Variants in CSMD3 observed in about 807,000 individuals in gnomAD.
The protein encoded by CSMD3 is CUB and sushi domain-containing protein 3.
Under a neutral mutation model 435.2 loss-of-function variants are expected in CSMD3, and 177 were observed. The ratio of observed to expected loss-of-function variants is 0.41; its 90% CI spans 0.36 to 0.46. The LOEUF (loss-of-function observed/expected upper bound fraction) is 0.46. Among genes scored for constraint, CSMD3 ranks in the 20% least tolerant of loss-of-function variants. The probability of loss-of-function intolerance (pLI) is 0.34; values close to 1 mark genes in which losing one functional copy is unlikely to be tolerated. For missense variants in CSMD3, 4,265 were observed against 4,504.6 expected, an observed-to-expected ratio of 0.95 and a Z score of 1.52; for synonymous variants, 1,656 against 1,520.5, an observed-to-expected ratio of 1.09 and a Z score of -2.07.
chr8:112,453,026 T>C (rs1816458726), intron 32 of CSMD3, among the ~76,000 whole-genome samples: 3 of 152,256 alleles, frequency 2.0e-5, no homozygotes, highest in African/African-American at 7.2e-5. Flanking sequence ...ATAAATTATA[T>C]CTCATCAGAT....
chr8:113,251,625 T>C (rs1028696153), intron 3 of CSMD3, among the ~76,000 whole-genome samples: 1 of 152,068 alleles, frequency 6.6e-6, no homozygotes, highest in Admixed American at 6.6e-5. Flanking sequence ...ATCTAAATAC[T>C]AGTTTAAATA....
intron 13 of CSMD3, among the ~76,000 whole-genome samples, chr8:112,721,432 C>T (rs938577998): frequency 1.3e-5 from 2 of 151,818 alleles, no homozygotes; most frequent in African/African-American, 4.8e-5. Context: ...AAAATTAGCT[C>T]GGCATGGTGG....
At chr8:112,888,279 C>T (rs1246438030) in intron 10 of CSMD3, among the ~76,000 whole-genome samples, 1 of 151,500 alleles carries the variant, frequency 6.6e-6, no homozygotes, top group African/African-American at 2.4e-5. Context: ...CTGAATGTTC[C>T]TCAAGCACGG....
intron 10 of CSMD3, among the ~76,000 whole-genome samples, chr8:112,882,358 T>C (rs1183484220): frequency 1.3e-5 from 2 of 152,038 alleles, no homozygotes; most frequent in African/African-American, 4.8e-5. Flanking sequence ...CTAGAAATCA[T>C]CCCTTGCCCA....
chr8:113,059,673 C>T (rs1033974877), intron 5 of CSMD3, among the ~76,000 whole-genome samples: 3 of 152,110 alleles, frequency 2.0e-5, no homozygotes, highest in African/African-American at 7.2e-5. Flanking sequence ...ATGTCATTTG[C>T]TAATTAGCTT....
intron 32 of CSMD3, among the ~76,000 whole-genome samples, chr8:112,468,738 T>G (rs1818224285): frequency 6.6e-6 from 1 of 152,102 alleles, no homozygotes; most frequent in Admixed American, 6.6e-5. Flanking sequence ...AAAAATTAAA[T>G]ATATTTTATT....
intron 10 of CSMD3, among the ~76,000 whole-genome samples, chr8:112,877,419 AC>A (rs2081316462): frequency 6.6e-6 from 1 of 152,004 alleles, no homozygotes; most frequent in South Asian, 2.1e-4. Flanking sequence ...GGTGTGTGCC[AC>A]CACACCTGGC....
chr8:113,173,035 G>T (rs556612547), intron 4 of CSMD3, among the ~76,000 whole-genome samples: 1 of 152,008 alleles, frequency 6.6e-6, no homozygotes, highest in African/African-American at 2.4e-5. Flanking sequence ...AATTAATTTC[G>T]AAAATTTCCA....
chr8:112,460,369 G>C (rs1817321576), intron 32 of CSMD3, among the ~76,000 whole-genome samples: 1 of 151,844 alleles, frequency 6.6e-6, no homozygotes, highest in Admixed American at 6.6e-5. Context: ...GAGAAGCAAA[G>C]GGGTTAAGTA....
At chr8:113,207,445 G>A (rs954434219) in intron 3 of CSMD3, among the ~76,000 whole-genome samples, 3 of 150,234 alleles carry the variant, frequency 2.0e-5, no homozygotes, top group Non-Finnish European at 3.0e-5. Context: ...GCAGCAGCGC[G>A]ATCTCGGCTC....
intron 41 of CSMD3, among the ~76,000 whole-genome samples, chr8:112,342,697 C>T (rs1193663501): frequency 6.6e-6 from 1 of 151,808 alleles, no homozygotes; most frequent in African/African-American, 2.4e-5. Context: ...CACTGGGGCT[C>T]TGAGTAAACG....
At chr8:112,924,932 C>G (rs1222799682) in intron 9 of CSMD3, among the ~76,000 whole-genome samples, 1 of 152,094 alleles carries the variant, frequency 6.6e-6, no homozygotes, top group African/African-American at 2.4e-5. Context: ...TTATTTCCCT[C>G]AGTTAGATTA....
At chr8:112,341,833 T>C in intron 41 of CSMD3, 147 bp from the exon 42 acceptor site, 1 of 692,136 alleles carries the variant, frequency 1.4e-6, no homozygotes, top group Admixed American at 2.1e-5. Context: ...ATGGATTTGC[T>C]GTCTGCCTAG....
At chr8:112,449,019 T>C (rs2130577005) in intron 32 of CSMD3, among the ~76,000 whole-genome samples, 2 of 152,270 alleles carry the variant, frequency 1.3e-5, no homozygotes, top group South Asian at 4.1e-4. Context: ...ATTATATTTC[T>C]TCAATTAAAG....
chr8:113,113,419 T>C (rs2090724714), intron 4 of CSMD3, among the ~76,000 whole-genome samples: 1 of 152,180 alleles, frequency 6.6e-6, no homozygotes, highest in African/African-American at 2.4e-5. Context: ...ATTTAATGAT[T>C]ACATCTGAGG....
Position 113,074,712 on chromosome 8 carries a change from T to C in CSMD3, c.917+24044A>G, listed in dbSNP as rs376842186. Among the ~76,000 whole-genome samples, 7 of 151,970 alleles carry C rather than the reference T, an allele frequency of 4.6e-5. No individual in the cohort carries two copies. The South Asian group carries it at 8.3e-4, about 18-fold the overall frequency. On this transcript the variant is annotated intron_variant, in intron 5 of 70. Coordinates refer to ENST00000297405, the MANE Select transcript of CSMD3 (RefSeq NM_198123.2). ...ATTTTATGACCATGAAGTTTCCCTA[T>C]AACCCACAACAGATATTGCACAACT... is the stretch of plus-strand genomic sequence containing the variant.
intron 22 of CSMD3, among the ~76,000 whole-genome samples, chr8:112,621,574 AT>A (rs1358140858): frequency 6.6e-6 from 1 of 152,096 alleles, no homozygotes. Context: ...GGCCATGTAT[AT>A]TTGCATTTTC....
chr8:112,318,261 C>T (rs7826270), intron 47 of CSMD3, among the ~76,000 whole-genome samples: 29,903 of 151,862 alleles, frequency 0.2, 3,596 homozygotes, highest in East Asian at 0.37. Flanking sequence ...CTTTCCCTAC[C>T]CCACAACCGG....
At chr8:112,372,100 C>A (rs905320609) in intron 38 of CSMD3, among the ~76,000 whole-genome samples, 4 of 151,802 alleles carry the variant, frequency 2.6e-5, no homozygotes, top group Admixed American at 6.6e-5. Flanking sequence ...TAAAAATAAT[C>A]CATACACACA....
Sources: gnomAD v4.1 joint callset for allele counts (sites outside exome capture counted in the v4.1 genomes callset) on GRCh38, gnomAD v4.1.1 for gene constraint, MANE v1.5 for transcripts, NCBI Gene and HGNC (gene_info 2026-07-23, HGNC 2026-07-21) for gene names.